SHROOM2: variants seen among roughly 807,000 people sequenced by gnomAD.
SHROOM2 encodes the protein protein Shroom2.
Under a neutral mutation model 75.9 loss-of-function variants are expected in SHROOM2, and 33 were observed. That is an observed-to-expected ratio of 0.43 (90% CI 0.33 to 0.58). The LOEUF is 0.58. SHROOM2 is among the 20% of genes least tolerant of loss of function. The probability of loss-of-function intolerance (pLI) is 0.04; values close to 1 mark genes in which losing one functional copy is unlikely to be tolerated. For synonymous variants in SHROOM2, 655 were observed against 663.6 expected, an observed-to-expected ratio of 0.99 and a Z score of 0.20; for missense variants, 1,434 against 1,461.2, an observed-to-expected ratio of 0.98 and a Z score of 0.30.
intron 2 of SHROOM2, among the ~76,000 whole-genome samples, chrX:9,886,791 A>G (rs1430235769): frequency 1.8e-5 from 2 of 112,164 alleles, no homozygotes. Flanking sequence ...TTCATTGACA[A>G]GTAATATTCC....
At chrX:9,917,932 T>A (rs2084505741) in intron 5 of SHROOM2, among the ~76,000 whole-genome samples, 1 of 112,289 alleles carries the variant, frequency 8.9e-6, no homozygotes, top group African/African-American at 3.2e-5. Flanking sequence ...TGTGGAAATG[T>A]GACGTTACAG....
chrX:9,934,871 C>T (rs1190514258), intron 6 of SHROOM2, among the ~76,000 whole-genome samples: 2 of 110,975 alleles, frequency 1.8e-5, no homozygotes, highest in African/African-American at 6.6e-5. Context: ...CTTTTGGGTT[C>T]AAGTGATTCT....
intron 1 of SHROOM2, among the ~76,000 whole-genome samples, chrX:9,847,249 T>G (rs1340233013): frequency 2.7e-5 from 3 of 112,273 alleles, no homozygotes; most frequent in Non-Finnish European, 5.6e-5. Flanking sequence ...TGGTGGGGAT[T>G]TTGTTTTTAT....
At chrX:9,873,516 CCT>C (rs1179196789) in intron 1 of SHROOM2, 134 bp from the exon 2 acceptor site, 2 of 660,814 alleles carry the variant, frequency 3.0e-6, no homozygotes, top group African/African-American at 4.4e-5. Context: ...TCCCTGATCC[CCT>C]GAGTGGTAAT....
chrX:9,836,854 T>C (rs186479111), intron 1 of SHROOM2, among the ~76,000 whole-genome samples: 90 of 112,068 alleles, frequency 8.0e-4, no homozygotes, highest in African/African-American at 2.8e-3. Flanking sequence ...AAGATTCTTT[T>C]TATTCCTTTA....
At chrX:9,848,374 G>A (rs866844018) in intron 1 of SHROOM2, among the ~76,000 whole-genome samples, 15 of 99,810 alleles carry the variant, frequency 1.5e-4, no homozygotes, top group Middle Eastern at 5.0e-3. Flanking sequence ...CGCGGTGGCG[G>A]GCGACTGTAG....
At position 9,948,390 on chromosome X, in the gene SHROOM2, T is replaced by A. The variant is rs1489624600; in HGVS notation, c.*1453T>A. 2 of 112,861 alleles carry A rather than the reference T, an allele frequency of 1.8e-5. No homozygotes were observed. Among genetic ancestry groups the A allele is most frequent in the African/African-American group, 6.4e-5 (2 of 31,090 alleles). 9.3% of individuals were successfully genotyped at this position (112,861 alleles called of 1,213,427 possible). ...TCCCTTGGGTGACTTCGTGTTTAGG[T>A]CGTATTAGGGCATTTGTTGGATCAA... On this transcript the variant is annotated 3_prime_UTR_variant, in exon 10 of 10. Coordinates refer to ENST00000380913, the MANE Select transcript of SHROOM2 (RefSeq NM_001649.4).
intron 6 of SHROOM2, among the ~76,000 whole-genome samples, chrX:9,936,824 A>G (rs2084713288): frequency 8.9e-6 from 1 of 112,112 alleles, no homozygotes; most frequent in South Asian, 3.7e-4. Flanking sequence ...CGGAATGACA[A>G]ATGGTATTAA....
intron 1 of SHROOM2, among the ~76,000 whole-genome samples, chrX:9,800,761 C>T (rs1454463461): frequency 1.8e-5 from 2 of 108,159 alleles, no homozygotes; most frequent in African/African-American, 3.4e-5. Context: ...AGTGATTCTA[C>T]CCCCAACCCT....
chrX:9,877,771 C>T (rs1432736514), intron 2 of SHROOM2, among the ~76,000 whole-genome samples: 1 of 108,209 alleles, frequency 9.2e-6, no homozygotes, highest in Non-Finnish European at 1.9e-5. Context: ...GCATTTTCCT[C>T]ATTAACTTAG....
Position 9,946,803 on chromosome X carries a change from G to A in SHROOM2, c.4717G>A (p.Ala1573Thr), listed in dbSNP as rs1401177093. 2 of 1,203,090 alleles carry A rather than the reference G, an allele frequency of 1.7e-6. No individual in the cohort carries two copies. The highest frequency in any genetic ancestry group is 2.2e-5 in the Admixed American group (1 of 45,049). The change falls in exon 10 of 10, where the codon GCG becomes ACG. Residue 1573 changes from alanine (A) to threonine (T), a missense_variant. Around this residue, in one of 3 missense-constraint regions of SHROOM2, gnomAD observed 80 missense variants for 88.4 expected, o/e 0.90. Coordinates refer to ENST00000380913, the MANE Select transcript of SHROOM2 (RefSeq NM_001649.4). ...CAACTATCTGAGCGAGGAGAGCCTCGCGGACTATGAGCACTTCGTGAAGAT... is the reference window on the plus strand; with the variant it reads ...CAACTATCTGAGCGAGGAGAGCCTCACGGACTATGAGCACTTCGTGAAGAT... ...LANYLSEESLADYEHFVKMKS... is the reference protein window; with the variant it reads ...LANYLSEESLTDYEHFVKMKS...
chrX:9,798,549 C>T (rs1049418877), intron 1 of SHROOM2, among the ~76,000 whole-genome samples: 1 of 111,706 alleles, frequency 9.0e-6, no homozygotes, highest in East Asian at 2.8e-4. Context: ...CTTTGAACCT[C>T]GTAGATCTAA....
At chrX:9,796,721 TGCAACCTCAGTCACCTGG>T (rs2083697108) in intron 1 of SHROOM2, among the ~76,000 whole-genome samples, 1 of 110,995 alleles carries the variant, frequency 9.0e-6, no homozygotes, top group Non-Finnish European at 1.9e-5. Context: ...CACGGTTCAC[TGCAACCTCAGTCACCTGG>T]GCTCAAGCAG....
At position 9,891,892 on chromosome X, in the gene SHROOM2, TGC is replaced by T. The variant is rs1227607795; in HGVS notation, c.449+788_449+789del. Among the ~76,000 whole-genome samples the T allele has an allele frequency of 6.8e-5, 7 of 102,680 alleles. No homozygotes were observed. In the South Asian group the frequency reaches 2.9e-3, roughly 43 times the overall value. 89.2% of individuals were successfully genotyped at this position (102,680 alleles called of 115,157 possible). A position where few individuals can be genotyped will look rare whatever the true frequency, so the allele number is the denominator to read the frequency against. ...TGGTGTGTGTGTGTGTGTGTGTGTG[TGC>T]GCGTGCGTGCACACGCAGGTATGTG... On this transcript the variant is annotated intron_variant, in intron 3 of 9. Transcript: ENST00000380913.
At chrX:9,936,249 T>C (rs2147058773) in intron 6 of SHROOM2, among the ~76,000 whole-genome samples, 1 of 109,776 alleles carries the variant, frequency 9.1e-6, no homozygotes, top group African/African-American at 3.3e-5. Context: ...GTAGGTGGGA[T>C]TACAGGTGCG....
intron 5 of SHROOM2, among the ~76,000 whole-genome samples, chrX:9,902,668 T>A (rs2084371153): frequency 8.9e-6 from 1 of 112,242 alleles, no homozygotes; most frequent in Non-Finnish European, 1.9e-5. Context: ...GGTATGAGAT[T>A]TTAGACCTTG....
At chrX:9,915,063 C>G (rs775656836) in intron 5 of SHROOM2, among the ~76,000 whole-genome samples, 1 of 112,154 alleles carries the variant, frequency 8.9e-6, no homozygotes, top group Admixed American at 9.4e-5. Flanking sequence ...CTTGCGAAGC[C>G]ACCTAAGCAT....
chrX:9,905,484 A>G (rs1014873693), intron 5 of SHROOM2, among the ~76,000 whole-genome samples: 1 of 112,931 alleles, frequency 8.9e-6, no homozygotes, highest in Non-Finnish European at 1.9e-5. Flanking sequence ...AGGCCCCTGC[A>G]TACCACACAG....
Position 9,937,657 on chromosome X carries a change from A to G in SHROOM2, c.4111A>G (p.Ile1371Val), listed in dbSNP as rs754799148. Residue 1371 changes from isoleucine (I) to valine (V), a missense_variant, in exon 7 of 10, where the codon ATC (isoleucine) becomes GTC (valine). By Grantham distance (29) the Ile-to-Val change is conservative. Coordinates refer to ENST00000380913, the MANE Select transcript of SHROOM2 (RefSeq NM_001649.4). The stretch of plus-strand genomic sequence containing the variant: ...GCAACGGAGGAAGCTGCTCCCCAAA[A>G]TCCCCTCTCCTAGAAGCACAGAGGA... ...AQQRRKLLPKIPSPRSTEERK... is the reference protein window; with the variant it reads ...AQQRRKLLPKVPSPRSTEERK... 42 of 1,198,379 alleles carry G rather than the reference A, an allele frequency of 3.5e-5. No individual in the cohort carries two copies. The South Asian group carries it at 5.3e-4, about 15-fold the overall frequency.
Sources: gnomAD v4.1 joint callset for allele counts (sites outside exome capture counted in the v4.1 genomes callset) on GRCh38, gnomAD v4.1.1 for gene constraint, gnomAD v4.1.1 regional missense constraint, MANE v1.5 for transcripts, NCBI Gene and HGNC (gene_info 2026-07-23, HGNC 2026-07-21) for gene names.